Variants in CNTN4 observed in about 807,000 individuals in gnomAD.
CNTN4 encodes contactin-4.
A neutral mutation model predicts 122.5 loss-of-function variants in CNTN4; 77 were observed. The ratio of observed to expected loss-of-function variants is 0.63; its 90% confidence interval spans 0.52 to 0.76. CNTN4 has a LOEUF of 0.76. Among genes scored for constraint, CNTN4 ranks in the 30% least tolerant of loss-of-function variants. The probability of loss-of-function intolerance (pLI) is 0.00; values close to 1 mark genes in which losing one functional copy is unlikely to be tolerated. For missense variants in CNTN4, 1,256 were observed against 1,259.1 expected, an observed-to-expected ratio of 1.00 and a Z score of 0.04; for synonymous variants, 512 against 447.0, an observed-to-expected ratio of 1.15 and a Z score of -1.83.
At chr3:2,121,478 C>A (rs141656992) in intron 2 of CNTN4, among the ~76,000 whole-genome samples, 2,208 of 135,906 alleles carry the variant, frequency 0.016, 17 homozygotes, top group South Asian at 0.02. Flanking sequence ...GCCTGGGTGA[C>A]AGAGTGAGAC....
At chr3:2,818,964 A>G (rs1368651246) in intron 6 of CNTN4, among the ~76,000 whole-genome samples, 2 of 152,246 alleles carry the variant, frequency 1.3e-5, no homozygotes, top group African/African-American at 2.4e-5. Context: ...ATAATTATAT[A>G]TGATAGAATG....
At chr3:2,400,406 TATATATATATATATATATATAC>T (rs1250939733) in intron 3 of CNTN4, among the ~76,000 whole-genome samples, 4 of 55,028 alleles carry the variant, frequency 7.3e-5, no homozygotes, top group African/African-American at 1.0e-4. Flanking sequence ...TGTGTGTGAA[TATATATATATATATATATATAC>T]ATATATATAT....
At chr3:2,876,292 C>T (rs1370411709) in intron 8 of CNTN4, among the ~76,000 whole-genome samples, 1 of 152,144 alleles carries the variant, frequency 6.6e-6, no homozygotes, top group Non-Finnish European at 1.5e-5. Flanking sequence ...CATATATCTC[C>T]TTCAACCCAG....
chr3:2,481,033 T>TTTTC (rs61026362), intron 3 of CNTN4, among the ~76,000 whole-genome samples: 4,728 of 120,058 alleles, frequency 0.039, 111 homozygotes, highest in East Asian at 0.063. Context: ...TTTCTTTTTC[T>TTTTC]TTTCTTTCTT....
intron 4 of CNTN4, among the ~76,000 whole-genome samples, chr3:2,610,889 A>G (rs1049092261): frequency 6.6e-6 from 1 of 152,296 alleles, no homozygotes; most frequent in Non-Finnish European, 1.5e-5. Context: ...TTTTTCAGGT[A>G]TACAATGCAG....
At chr3:2,824,502 C>T (rs2092945846) in intron 7 of CNTN4, among the ~76,000 whole-genome samples, 1 of 152,034 alleles carries the variant, frequency 6.6e-6, no homozygotes, top group African/African-American at 2.4e-5. Context: ...AGCTGACTCG[C>T]TCACTCTGAG....
chr3:2,833,957 C>T (rs751631711), intron 7 of CNTN4, among the ~76,000 whole-genome samples: 7 of 151,694 alleles, frequency 4.6e-5, no homozygotes, highest in Non-Finnish European at 7.4e-5. Context: ...CTGGCTAACA[C>T]GGTGAAACCC....
chr3:2,474,218 TA>T (rs1338861582), intron 3 of CNTN4, among the ~76,000 whole-genome samples: 1 of 152,144 alleles, frequency 6.6e-6, no homozygotes, highest in African/African-American at 2.4e-5. Flanking sequence ...ACATATATCG[TA>T]ATTGTTTGGT....
chr3:2,777,521 T>A (rs113974995), intron 6 of CNTN4, among the ~76,000 whole-genome samples: 2,839 of 152,280 alleles, frequency 0.019, 108 homozygotes, highest in African/African-American at 0.064. Context: ...TTACCCTCTC[T>A]GGTAGCAGCA....
intron 4 of CNTN4, among the ~76,000 whole-genome samples, chr3:2,578,250 G>T (rs1559261181): frequency 6.6e-6 from 1 of 152,182 alleles, no homozygotes; most frequent in African/African-American, 2.4e-5. Context: ...GAAGTAGGCT[G>T]TCTAAAGTTT....
intron 6 of CNTN4, among the ~76,000 whole-genome samples, chr3:2,803,337 C>G (rs944800315): frequency 1.2e-4 from 19 of 152,156 alleles, no homozygotes; most frequent in Non-Finnish European, 2.2e-4. Flanking sequence ...TTGTCCCAGC[C>G]ATTTTAGAAA....
intron 8 of CNTN4, among the ~76,000 whole-genome samples, chr3:2,881,380 G>A (rs1053198043): frequency 6.6e-6 from 1 of 152,134 alleles, no homozygotes; most frequent in Admixed American, 6.5e-5. Context: ...ATGCATGGTG[G>A]CACGTGCCTG....
intron 23 of CNTN4, among the ~76,000 whole-genome samples, chr3:3,046,710 A>G (rs1461785137): frequency 6.6e-6 from 1 of 152,156 alleles, no homozygotes; most frequent in Non-Finnish European, 1.5e-5. Flanking sequence ...CTAGGAAGAA[A>G]CTGCATCAAC....
chr3:2,994,791 G>C (rs539080379), intron 14 of CNTN4, among the ~76,000 whole-genome samples: 1 of 152,214 alleles, frequency 6.6e-6, no homozygotes, highest in African/African-American at 2.4e-5. Flanking sequence ...TTTTGCAAAT[G>C]AGTTTGAAGC....
At chr3:2,248,295 ATTGCT>A (rs2149663634) in intron 2 of CNTN4, among the ~76,000 whole-genome samples, 1 of 152,094 alleles carries the variant, frequency 6.6e-6, no homozygotes, top group South Asian at 2.1e-4. Flanking sequence ...ATTTAACCAA[ATTGCT>A]TTGGTTTGTG....
At chr3:2,369,655 T>A (rs1336086101) in intron 3 of CNTN4, among the ~76,000 whole-genome samples, 1 of 152,144 alleles carries the variant, frequency 6.6e-6, no homozygotes, top group Non-Finnish European at 1.5e-5. Flanking sequence ...AGAAACCAGA[T>A]GCTTCCTTCC....
intron 2 of CNTN4, among the ~76,000 whole-genome samples, chr3:2,109,387 TA>T (rs2032761308): frequency 6.6e-6 from 1 of 152,144 alleles, no homozygotes; most frequent in African/African-American, 2.4e-5. Flanking sequence ...GATCTTGAGT[TA>T]AAAAAATCAT....
At position 2,268,020 on chromosome 3, in the gene CNTN4, C is replaced by G. The variant is rs2041124702; in HGVS notation, c.-144-71158C>G. On this transcript the variant is annotated intron_variant, in intron 2 of 24. Transcript: ENST00000418658. ...GAAGGTGTGGTTCATAGGAATTGATCATGGAATGGATGTGGGCTGTGAGAA... is the reference window on the plus strand; with the variant it reads ...GAAGGTGTGGTTCATAGGAATTGATGATGGAATGGATGTGGGCTGTGAGAA... 2.6e-5 allele frequency among the ~76,000 whole-genome samples: 4 copies of G among 152,020 alleles called. No homozygotes were observed. In the South Asian group the frequency reaches 8.3e-4, roughly 32 times the overall value.
intron 2 of CNTN4, among the ~76,000 whole-genome samples, chr3:2,302,383 G>A (rs184870414): frequency 5.9e-5 from 9 of 152,224 alleles, no homozygotes; most frequent in South Asian, 2.1e-4. Context: ...AGCTGAGATC[G>A]TGCCACTGCA....
Sources: allele counts gnomAD v4.1 joint callset (sites outside exome capture counted in the v4.1 genomes callset), GRCh38; gene constraint gnomAD v4.1.1; transcripts MANE v1.5; gene names NCBI Gene and HGNC (gene_info 2026-07-23, HGNC 2026-07-21).